Variants in ATG4C observed in about 807,000 individuals in gnomAD.
The protein encoded by ATG4C is cysteine protease ATG4C.
A neutral mutation model predicts 57.6 loss-of-function variants in ATG4C; 56 were observed. The observed-to-expected ratio is 0.97, with a 90% CI of 0.78 to 1.21. The LOEUF is 1.21. ATG4C is among the 50% of genes most tolerant of loss of function. The probability of loss-of-function intolerance (pLI) is 0.00; values close to 1 mark genes in which losing one functional copy is unlikely to be tolerated. For synonymous variants in ATG4C, 157 were observed against 174.1 expected, an observed-to-expected ratio of 0.90 and a Z score of 0.78; for missense variants, 595 against 529.8, an observed-to-expected ratio of 1.12 and a Z score of -1.21.
intron 10 of ATG4C, among the ~76,000 whole-genome samples, chr1:62,861,530 C>A (rs370416109): frequency 2.1e-4 from 32 of 149,910 alleles, no homozygotes; most frequent in African/African-American, 7.9e-4. Context: ...CCAGCCTGGA[C>A]GACAGAGTGA....
intron 7 of ATG4C, among the ~76,000 whole-genome samples, chr1:62,831,279 A>G (rs1665829736): frequency 6.6e-6 from 1 of 152,188 alleles, no homozygotes; most frequent in African/African-American, 2.4e-5. Flanking sequence ...GTAAAGAGGT[A>G]TTCACTTAGA....
chr1:62,793,437 C>G (rs1359754799), intron 1 of ATG4C, among the ~76,000 whole-genome samples: 1 of 150,554 alleles, frequency 6.6e-6, no homozygotes, highest in Non-Finnish European at 1.5e-5. Flanking sequence ...TATGGCAAAA[C>G]CCCATCTCTA....
intron 10 of ATG4C, among the ~76,000 whole-genome samples, chr1:62,863,660 T>C (rs1468259547): frequency 6.6e-6 from 1 of 152,060 alleles, no homozygotes; most frequent in Non-Finnish European, 1.5e-5. Flanking sequence ...TGTCTATTAC[T>C]ACCTAAAGAA....
chr1:62,818,874 A>G (rs1345512687), intron 4 of ATG4C, 131 bp from the exon 5 acceptor site: 3 of 682,456 alleles, frequency 4.4e-6, no homozygotes, highest in Non-Finnish European at 7.0e-6. Context: ...TTTTGTTTCC[A>G]TGTATTTACC....
At chr1:62,787,313 T>C (rs1664125032) in intron 1 of ATG4C, among the ~76,000 whole-genome samples, 1 of 152,176 alleles carries the variant, frequency 6.6e-6, no homozygotes, top group Admixed American at 6.5e-5. Flanking sequence ...TGGAAATATG[T>C]TGGTCTCTGT....
Position 62,823,116 on chromosome 1 carries a change from C to T in ATG4C, c.796+1907C>T, listed in dbSNP as rs546571943. On this transcript the variant is annotated intron_variant, in intron 6 of 10. Transcript: ENST00000317868. ...GTTGCAGTGAACTGATATTGTGCCA[C>T]TGCACTCCAGCCTGGGCAACAGAGT... Among the ~76,000 whole-genome samples the T allele has an allele frequency of 5.3e-5, 8 of 152,334 alleles. No individual in the cohort carries two copies. In the South Asian group the frequency reaches 6.2e-4, roughly 12 times the overall value.
At chr1:62,850,013 G>A (rs918898666) in intron 10 of ATG4C, among the ~76,000 whole-genome samples, 4 of 152,004 alleles carry the variant, frequency 2.6e-5, no homozygotes, top group Non-Finnish European at 5.9e-5. Flanking sequence ...AGAATTTTAT[G>A]AGTACTATTT....
intron 6 of ATG4C, among the ~76,000 whole-genome samples, chr1:62,826,323 C>T (rs1490970512): frequency 1.3e-5 from 2 of 151,678 alleles, no homozygotes; most frequent in Middle Eastern, 3.4e-3. Context: ...GCAAGCTCCA[C>T]CTCTCGGGTT....
chr1:62,850,541 C>G (rs1240485313), intron 10 of ATG4C, among the ~76,000 whole-genome samples: 1 of 152,082 alleles, frequency 6.6e-6, no homozygotes, highest in East Asian at 1.9e-4. Flanking sequence ...TCTTTGAACT[C>G]ATTCCCTACC....
At chr1:62,839,997 G>C (rs1475791316) in intron 9 of ATG4C, among the ~76,000 whole-genome samples, 1 of 152,164 alleles carries the variant, frequency 6.6e-6, no homozygotes, top group Non-Finnish European at 1.5e-5. Context: ...TACAGGGAGA[G>C]AAAGAGTGAT....
At chr1:62,787,350 C>A (rs957449144) in intron 1 of ATG4C, among the ~76,000 whole-genome samples, 9 of 152,012 alleles carry the variant, frequency 5.9e-5, no homozygotes, top group African/African-American at 1.4e-4. Context: ...ATATATTAAA[C>A]CATGTATATG....
chr1:62,828,678 C>T (rs996020393), intron 6 of ATG4C, among the ~76,000 whole-genome samples: 20 of 152,108 alleles, frequency 1.3e-4, no homozygotes, highest in East Asian at 1.9e-4. Context: ...TGTCAATTTT[C>T]GCTTTTGTTG....
chr1:62,800,589 TCTTG>T (rs1289296961), intron 1 of ATG4C, among the ~76,000 whole-genome samples: 1 of 152,218 alleles, frequency 6.6e-6, no homozygotes, highest in Non-Finnish European at 1.5e-5. Context: ...CTTTTCCTTT[TCTTG>T]CTTTTCCAGA....
intron 10 of ATG4C, among the ~76,000 whole-genome samples, chr1:62,862,826 G>T (rs1666896019): frequency 6.6e-6 from 1 of 151,980 alleles, no homozygotes. Flanking sequence ...TAATATGTAA[G>T]AAATTGATGA....
At position 62,852,389 on chromosome 1, in the gene ATG4C, T is replaced by C. The variant is rs556109540; in HGVS notation, c.1209+10842T>C. ...ATTGATTTTTTTTCTTCATGAACAT[T>C]ATAATCACACAATGTTGAACAAAAT... On this transcript the variant is annotated intron_variant, in intron 10 of 10. Transcript: ENST00000317868. 2.0e-4 allele frequency among the ~76,000 whole-genome samples: 30 copies of C among 152,020 alleles called. No individual in the cohort carries two copies. The East Asian group carries it at 5.2e-3, about 26-fold the overall frequency.
At chr1:62,793,667 A>G (rs1167624345) in intron 1 of ATG4C, among the ~76,000 whole-genome samples, 1 of 151,814 alleles carries the variant, frequency 6.6e-6, no homozygotes, top group Admixed American at 6.6e-5. Flanking sequence ...ACACCAAAAA[A>G]CAAAAAAAGT....
Position 62,864,239 on chromosome 1 carries a change from T to C in ATG4C, c.*80T>C. 1 of 1,135,262 alleles carries C rather than the reference T, an allele frequency of 8.8e-7. No homozygotes were observed. Among genetic ancestry groups the C allele is most frequent in the South Asian group, 1.6e-5 (1 of 63,228 alleles). 70.3% of individuals were successfully genotyped at this position (1,135,262 alleles called of 1,614,324 possible). A position where few individuals can be genotyped will look rare whatever the true frequency, so the allele number is the denominator to read the frequency against. On this transcript the variant is annotated 3_prime_UTR_variant, in exon 11 of 11. Transcript: ENST00000317868. ...AGAGAAACAAGTATATCTGAAATGT[T>C]TATTTTCACAAATATCTTAATTTTA...
chr1:62,825,589 T>C (rs1274563668), intron 6 of ATG4C, among the ~76,000 whole-genome samples: 1 of 152,298 alleles, frequency 6.6e-6, no homozygotes, highest in South Asian at 2.1e-4. Flanking sequence ...TCACCAAGTC[T>C]TGTGGCTTTA....
chr1:62,843,132 GATT>G (rs1666222002), intron 10 of ATG4C, among the ~76,000 whole-genome samples: 1 of 151,536 alleles, frequency 6.6e-6, no homozygotes, highest in African/African-American at 2.4e-5. Context: ...AAACAAACCA[GATT>G]ATTATTACCA....
Sources: gnomAD v4.1 joint callset for allele counts (sites outside exome capture counted in the v4.1 genomes callset) on GRCh38, gnomAD v4.1.1 for gene constraint, MANE v1.5 for transcripts, NCBI Gene and HGNC (gene_info 2026-07-23, HGNC 2026-07-21) for gene names.